Variants in PRKN observed in about 807,000 individuals in gnomAD.
PRKN encodes the protein parkin RBR E3 ubiquitin protein ligase.
A neutral mutation model predicts 59.5 loss-of-function variants in PRKN; 56 were observed. That is an observed-to-expected ratio of 0.94 (90% CI 0.76 to 1.18). The LOEUF is 1.18. Among genes scored for constraint, PRKN ranks in the 50% most tolerant of loss-of-function variants. The probability of loss-of-function intolerance (pLI) is 0.00; values close to 1 mark genes in which losing one functional copy is unlikely to be tolerated. For missense variants in PRKN, 657 were observed against 596.4 expected (o/e 1.10, Z -1.06); for synonymous variants, 250 against 222.1 (o/e 1.13, Z -1.12).
intron 1 of PRKN, among the ~76,000 whole-genome samples, chr6:162,701,505 C>T (rs1778150737): frequency 6.6e-6 from 1 of 151,436 alleles, no homozygotes; most frequent in African/African-American, 2.4e-5. Context: ...TGGGTCAGCA[C>T]TGGAATTAAC....
intron 4 of PRKN, among the ~76,000 whole-genome samples, chr6:162,182,590 G>C (rs1264420581): frequency 2.0e-5 from 3 of 152,164 alleles, no homozygotes; most frequent in Admixed American, 2.0e-4. Flanking sequence ...TGAAACATGG[G>C]ATGGCAAGTT....
intron 9 of PRKN, among the ~76,000 whole-genome samples, chr6:161,464,904 C>A (rs981881054): frequency 1.3e-5 from 2 of 152,210 alleles, no homozygotes; most frequent in African/African-American, 4.8e-5. Context: ...ACTTGCTCCC[C>A]TTTGCTTAGC....
At chr6:162,566,389 C>T (rs1746301022) in intron 1 of PRKN, among the ~76,000 whole-genome samples, 2 of 151,866 alleles carry the variant, frequency 1.3e-5, no homozygotes, top group Admixed American at 6.6e-5. Flanking sequence ...AAATCTTTAG[C>T]CAGGCTAACA....
Position 161,462,017 on chromosome 6 carries a change from G to C in PRKN, c.1084-75140C>G, listed in dbSNP as rs1025496693. Among the ~76,000 whole-genome samples the C allele has an allele frequency of 6.6e-5, 10 of 152,258 alleles. 1 individual carries two copies. The highest frequency in any genetic ancestry group is 4.6e-4 in the Admixed American group (7 of 15,296). On this transcript the variant is annotated intron_variant, in intron 9 of 11. Coordinates refer to ENST00000366898, the MANE Select transcript of PRKN (RefSeq NM_004562.3). The surrounding 1 kb of genome is among the most constrained non-coding windows in gnomAD (Gnocchi z 4.5). ...GTGGGCTGTGAAGGATGGCAATGGT[G>C]GGGGAAGATGGCTGGAAAGGTGGGT...
chr6:162,440,540 T>C (rs1315596406), intron 2 of PRKN, among the ~76,000 whole-genome samples: 1 of 152,142 alleles, frequency 6.6e-6, no homozygotes, highest in Non-Finnish European at 1.5e-5. Flanking sequence ...CCTGGAATAA[T>C]TATTGACAGG....
chr6:162,112,782 T>TA (rs111532085), intron 4 of PRKN, among the ~76,000 whole-genome samples: 2,185 of 141,398 alleles, frequency 0.015, 24 homozygotes, highest in Non-Finnish European at 0.016. Context: ...TTTACAAAAT[T>TA]AAAAAAAAAA....
At chr6:162,006,101 AAAATG>A (rs1275994629) in intron 5 of PRKN, among the ~76,000 whole-genome samples, 3 of 152,182 alleles carry the variant, frequency 2.0e-5, no homozygotes, top group Non-Finnish European at 2.9e-5. Context: ...TGAAACATTT[AAAATG>A]AAGTTATATA....
chr6:161,527,806 CA>C lies in PRKN; in HGVS notation c.1083+21047del, dbSNP rs765209142. ...TACAGGGCTGGAGTCTCTTTTCTGACAGTGCCACTGAATCAGCTGTCTGAAG... is the reference window on the plus strand; with the variant it reads ...TACAGGGCTGGAGTCTCTTTTCTGACGTGCCACTGAATCAGCTGTCTGAAG... On this transcript the variant is annotated intron_variant, in intron 9 of 11. Transcript: ENST00000366898. This position sits in a 1 kb window ranked among gnomAD's most constrained non-coding sequence, Gnocchi z 4.6. 3.3e-4 allele frequency among the ~76,000 whole-genome samples: 50 copies of C among 152,344 alleles called. No individual in the cohort carries two copies. Among genetic ancestry groups the C allele is most frequent in the Admixed American group, 7.8e-4 (12 of 15,302 alleles).
chr6:162,542,276 A>G (rs1047995551), intron 1 of PRKN, among the ~76,000 whole-genome samples: 1 of 152,096 alleles, frequency 6.6e-6, no homozygotes, highest in Non-Finnish European at 1.5e-5. Context: ...CATTCTCTCT[A>G]CATTATTTTA....
Position 162,383,136 on chromosome 6 carries a change from A to C in PRKN, c.171+60174T>G, listed in dbSNP as rs531810454. 9.2e-5 allele frequency among the ~76,000 whole-genome samples: 14 copies of C among 152,282 alleles called. No homozygotes were observed. In the South Asian group the frequency reaches 2.7e-3, roughly 29 times the overall value. ...AATCCACTTCTTCCAAACTCATGTT[A>C]ATGTTAATATTTTGACCTCTTCCCA... On this transcript the variant is annotated intron_variant, in intron 2 of 11. Transcript: ENST00000366898.
chr6:162,266,636 A>G (rs1046725274), intron 2 of PRKN, among the ~76,000 whole-genome samples: 1 of 152,190 alleles, frequency 6.6e-6, no homozygotes, highest in African/African-American at 2.4e-5. Context: ...CTCAAGCTCT[A>G]CATAATTTAT....
intron 4 of PRKN, among the ~76,000 whole-genome samples, chr6:162,079,436 C>T (rs1331857014): frequency 6.6e-6 from 1 of 152,120 alleles, no homozygotes; most frequent in Non-Finnish European, 1.5e-5. Flanking sequence ...TATTTTGATA[C>T]ATCATACTCC....
At chr6:162,236,673 T>C (rs978616226) in intron 3 of PRKN, among the ~76,000 whole-genome samples, 3 of 151,634 alleles carry the variant, frequency 2.0e-5, no homozygotes, top group Non-Finnish European at 4.4e-5. Flanking sequence ...CACATGACTG[T>C]AATCCCAGCT....
In PRKN at chr6:162,023,010, T is replaced by C. The variant is rs540986655; in HGVS notation, c.618+31081A>G. Reference sequence around the variant, plus strand: ...TGGGTTCTCTACTCTGCTCCATTGATATATGTGTCCATTTTTGTACCAGTA... The same window carrying C: ...TGGGTTCTCTACTCTGCTCCATTGACATATGTGTCCATTTTTGTACCAGTA... On this transcript the variant is annotated intron_variant, in intron 5 of 11. Transcript: ENST00000366898. Among the ~76,000 whole-genome samples, 22 of 152,262 alleles carry C rather than the reference T, an allele frequency of 1.4e-4. 1 individual carries two copies. The South Asian group carries it at 2.7e-3, about 19-fold the overall frequency.
At chr6:162,241,580 A>G (rs2128091741) in intron 3 of PRKN, among the ~76,000 whole-genome samples, 1 of 152,030 alleles carries the variant, frequency 6.6e-6, no homozygotes, top group African/African-American at 2.4e-5. Flanking sequence ...ATTTGGTGGG[A>G]AAAAAAGAAA....
At chr6:162,105,627 T>C (rs997565739) in intron 4 of PRKN, among the ~76,000 whole-genome samples, 2 of 152,188 alleles carry the variant, frequency 1.3e-5, no homozygotes, top group African/African-American at 4.8e-5. Flanking sequence ...CTCAAACTCC[T>C]GACCTCACGT....
At chr6:162,258,557 A>G (rs1456383029) in intron 3 of PRKN, among the ~76,000 whole-genome samples, 1 of 152,192 alleles carries the variant, frequency 6.6e-6, no homozygotes, top group Non-Finnish European at 1.5e-5. Flanking sequence ...TTCACTGACC[A>G]TATTTTAAGG....
At chr6:162,202,460 G>GT (rs1562577364) in intron 3 of PRKN, among the ~76,000 whole-genome samples, 1 of 152,008 alleles carries the variant, frequency 6.6e-6, no homozygotes, top group Non-Finnish European at 1.5e-5. Context: ...TTTATCATTT[G>GT]TTTGCAATAT....
At chr6:161,965,779 C>G (rs1163794236) in intron 6 of PRKN, among the ~76,000 whole-genome samples, 1 of 151,988 alleles carries the variant, frequency 6.6e-6, no homozygotes, top group Non-Finnish European at 1.5e-5. Flanking sequence ...CCCTGGTTGA[C>G]ATTTGGTTGA....
Sources: allele counts gnomAD v4.1 joint callset (sites outside exome capture counted in the v4.1 genomes callset), GRCh38; gene constraint gnomAD v4.1.1; non-coding constraint Gnocchi (gnomAD v3.1); transcripts MANE v1.5; gene names NCBI Gene and HGNC (gene_info 2026-07-23, HGNC 2026-07-21).